The following KMT2C variants were observed in gnomAD, a reference collection of about 807,000 sequenced individuals.
KMT2C encodes the protein histone-lysine N-methyltransferase 2C.
KMT2C carries 88 observed loss-of-function variants against 507.9 expected under a neutral mutation model. The ratio of observed to expected loss-of-function variants is 0.17; its 90% confidence interval spans 0.15 to 0.21. The LOEUF (loss-of-function observed/expected upper bound fraction) is 0.21. Ranked by LOEUF, KMT2C falls within the 10% of genes least tolerant of loss-of-function variation. KMT2C has a pLI of 1.00. For missense variants in KMT2C, 4,954 were observed against 5,957.8 expected, an observed-to-expected ratio of 0.83 and a Z score of 5.55; for synonymous variants, 2,049 against 2,080.8, an observed-to-expected ratio of 0.98 and a Z score of 0.42.
intron 39 of KMT2C, 54 bp from the exon 40 acceptor site, chr7:152,171,396 T>C (rs534041326): frequency 3.2e-5 from 38 of 1,178,854 alleles, no homozygotes; most frequent in Admixed American, 2.3e-4. Flanking sequence ...AAATTATTAA[T>C]ATTAATTAAA....
chr7:152,230,394 G>A (rs1331195462), intron 16 of KMT2C, 73 bp from the exon 17 acceptor site: 2 of 633,198 alleles, frequency 3.2e-6, no homozygotes, highest in African/African-American at 3.7e-5. Flanking sequence ...GAAAGCTTCA[G>A]AAAATTCATA....
chr7:152,346,693 C>T (rs1343012895), intron 2 of KMT2C, among the ~76,000 whole-genome samples: 1 of 152,160 alleles, frequency 6.6e-6, no homozygotes, highest in East Asian at 1.9e-4. Context: ...CTTTTGACTC[C>T]TTGAAAACTT....
chr7:152,334,082 C>A (rs1249917305), intron 2 of KMT2C, among the ~76,000 whole-genome samples: 1 of 148,626 alleles, frequency 6.7e-6, no homozygotes, highest in Admixed American at 6.6e-5. Flanking sequence ...CAATTTGAAT[C>A]CCCCCCCAAA....
At chr7:152,400,316 TAAAAA>T (rs1564121086) in intron 1 of KMT2C, among the ~76,000 whole-genome samples, 1 of 150,610 alleles carries the variant, frequency 6.6e-6, no homozygotes, top group African/African-American at 2.4e-5. Flanking sequence ...CTCAAAAAAA[TAAAAA>T]AAAGAAAGAT....
intron 5 of KMT2C, 22 bp from the exon 6 acceptor site, chr7:152,310,097 G>T: frequency 6.7e-7 from 1 of 1,482,282 alleles, no homozygotes. Context: ...AAAATGAAAA[G>T]GAGCAAATGA....
Position 152,176,608 on chromosome 7 carries a change from T to C in KMT2C, c.8845A>G (p.Asn2949Asp). The C allele has an allele frequency of 1.2e-6, 2 of 1,614,132 alleles. No homozygotes were observed. The highest frequency in any genetic ancestry group is 2.2e-5 in the East Asian group (1 of 44,886). Residue 2949 changes from asparagine (N) to aspartate (D), a missense_variant, in exon 38 of 59, where the codon AAT (asparagine) becomes GAT (aspartate). Asn to Asp is a conservative substitution (Grantham distance 23). Transcript: ENST00000262189. ...AAAGGAGGCAAACTTGACACATGAT[T>C]GGATGGGGAGGCCGGCAGAGTTGGT... is the stretch of plus-strand genomic sequence containing the variant. Reference protein sequence around the residue: ...PPPTLPASPSNHVSSLPPFIA... With the variant: ...PPPTLPASPSDHVSSLPPFIA...
intron 6 of KMT2C, among the ~76,000 whole-genome samples, chr7:152,302,011 G>A (rs1372011881): frequency 1.3e-5 from 2 of 152,038 alleles, no homozygotes; most frequent in African/African-American, 2.4e-5. Flanking sequence ...CTTACTATAG[G>A]AAGGCTATTT....
In KMT2C at chr7:152,135,085, A is replaced by G; in HGVS notation, c.*1747T>C. 1 of 228,686 alleles carries G rather than the reference A, an allele frequency of 4.4e-6. No individual in the cohort carries two copies. The highest frequency in any genetic ancestry group is 8.7e-6 in the Non-Finnish European group (1 of 115,024). The allele number at this position is 228,686 out of a possible 1,614,324, so 14.2% of individuals were successfully genotyped here. ...AAACAACAAAAACCCGGTAGGACAA[A>G]TACTGGTAGGATGTCAGGATATTGT... On this transcript the variant is annotated 3_prime_UTR_variant, in exon 59 of 59. Coordinates refer to ENST00000262189, the MANE Select transcript of KMT2C (RefSeq NM_170606.3).
chr7:152,331,578 C>T (rs1015110165), intron 2 of KMT2C, among the ~76,000 whole-genome samples: 12 of 151,390 alleles, frequency 7.9e-5, no homozygotes, highest in Non-Finnish European at 1.5e-4. Flanking sequence ...CACTGGACTC[C>T]AGCCTAAGCA....
chr7:152,238,053 A>G (rs1459014657), intron 15 of KMT2C, among the ~76,000 whole-genome samples: 1 of 151,708 alleles, frequency 6.6e-6, no homozygotes, highest in African/African-American at 2.4e-5. Context: ...CATGAAAGAA[A>G]ATAAAGTATA....
At chr7:152,227,049 T>C (rs554977827) in intron 18 of KMT2C, among the ~76,000 whole-genome samples, 1 of 152,294 alleles carries the variant, frequency 6.6e-6, no homozygotes, top group East Asian at 1.9e-4. Context: ...AACTCTCAAG[T>C]TTCTCAGCTT....
In KMT2C at chr7:152,162,531, G is replaced by T; in HGVS notation, c.11046C>A (p.Asn3682Lys). The T allele has an allele frequency of 6.2e-7, 1 of 1,614,210 alleles. No individual in the cohort carries two copies. The highest frequency in any genetic ancestry group is 8.5e-7 in the Non-Finnish European group (1 of 1,180,024). The part of the protein sequence containing the change: ...AAGQLCTELE[N>K]KLPNSDFSQA... ...GTGAGAAATCACTATTGGGCAGTTT[G>T]TTCTCTAATTCTGTACATAGCTGGC... The change falls in exon 43 of 59, where the codon AAC becomes AAA. Residue 3682 changes from asparagine (N) to lysine (K), a missense_variant. By Grantham distance (94) the Asn-to-Lys change is moderately conservative (BLOSUM62 0). Around this residue, in one of 29 missense-constraint regions of KMT2C, gnomAD observed 801 missense variants for 751.2 expected, o/e 1.07. Coordinates refer to ENST00000262189, the MANE Select transcript of KMT2C (RefSeq NM_170606.3).
At chr7:152,206,665 A>T (rs541972614) in intron 24 of KMT2C, among the ~76,000 whole-genome samples, 232 of 152,270 alleles carry the variant, frequency 1.5e-3, no homozygotes, top group African/African-American at 2.2e-3. Flanking sequence ...CGGGAAAAAA[A>T]TTTTTTAAAT....
intron 1 of KMT2C, among the ~76,000 whole-genome samples, chr7:152,408,873 T>TA (rs1001742675): frequency 2.6e-5 from 4 of 151,904 alleles, no homozygotes; most frequent in Non-Finnish European, 5.9e-5. Context: ...TCAAATATCT[T>TA]AGAATAGGTA....
At chr7:152,137,889 A>G (rs761214349) in intron 58 of KMT2C, 1 of 152,216 alleles carries the variant, frequency 6.6e-6, no homozygotes, top group African/African-American at 2.4e-5. Context: ...TTTGAGATGT[A>G]TAACGGGCCT....
intron 19 of KMT2C, 59 bp from the exon 20 acceptor site, chr7:152,224,238 G>A: frequency 6.6e-6 from 10 of 1,520,540 alleles, no homozygotes; most frequent in Non-Finnish European, 9.0e-6. Context: ...CTCAGTTACT[G>A]TAATTCAGGA....
At chr7:152,203,177 G>T in intron 25 of KMT2C, 113 bp from the exon 26 acceptor site, 1 of 774,584 alleles carries the variant, frequency 1.3e-6, no homozygotes, top group South Asian at 4.2e-5. Flanking sequence ...AAACAAACAA[G>T]CTTTTTGAAC....
chr7:152,176,651 T>G lies in KMT2C; in HGVS notation c.8802A>C (p.Pro2934=). The G allele has an allele frequency of 6.2e-7, 1 of 1,614,226 alleles. No homozygotes were observed. The highest frequency in any genetic ancestry group is 8.5e-7 in the Non-Finnish European group (1 of 1,180,048). The part of the protein sequence containing the change: ...NEKSDNSDIR[P]SGSPPPPTLP... ...GAGTTGGTGGTGGTGGAGACCCCGA[T>G]GGCCTAATGTCTGAATTATCAGATT... The change falls in exon 38 of 59, where the codon CCA becomes CCC. Residue 2934 remains proline (P), a synonymous_variant. Coordinates refer to ENST00000262189, the MANE Select transcript of KMT2C (RefSeq NM_170606.3).
At chr7:152,221,700 C>T (rs1250667647) in intron 22 of KMT2C, among the ~76,000 whole-genome samples, 4 of 152,034 alleles carry the variant, frequency 2.6e-5, no homozygotes, top group East Asian at 1.9e-4. Context: ...CTAACTAGGC[C>T]GTGTTTTCTG....
Sources: gnomAD v4.1 joint callset for allele counts (sites outside exome capture counted in the v4.1 genomes callset) on GRCh38, gnomAD v4.1.1 for gene constraint, gnomAD v4.1.1 regional missense constraint, MANE v1.5 for transcripts, NCBI Gene and HGNC (gene_info 2026-07-23, HGNC 2026-07-21) for gene names.